Variants in RANBP2 observed in about 807,000 individuals in gnomAD.
RANBP2 encodes RAN binding protein 2.
In RANBP2, 57 loss-of-function variants were observed where a neutral mutation model predicts 303.6. The observed-to-expected ratio is 0.19, with a 90% CI of 0.15 to 0.23. The LOEUF is 0.23. Ranked by LOEUF, RANBP2 falls within the 10% of genes least tolerant of loss-of-function variation. RANBP2 has a pLI of 1.00. For synonymous variants in RANBP2, 1,167 were observed against 1,301.5 expected (o/e 0.90, Z 2.23); for missense variants, 3,138 against 3,780.8 (o/e 0.83, Z 4.46).
At chr2:109,129,675 C>T in the RANBP2 span, 4 of 1,522,784 alleles carry the variant, frequency 2.6e-6, no homozygotes, top group Non-Finnish European at 3.5e-6. Context: ...CGGGCGAGGA[C>T]ATGGACGAGT....
chr2:109,310,003 T>A, the RANBP2 span, among the ~76,000 whole-genome samples: 1 of 125,652 alleles, frequency 8.0e-6, no homozygotes, highest in East Asian at 2.1e-4. Context: ...AATAGACATC[T>A]ACAGAACTCT....
the RANBP2 span, among the ~76,000 whole-genome samples, chr2:109,254,270 T>C: frequency 3.9e-5 from 6 of 152,192 alleles, no homozygotes; most frequent in Non-Finnish European, 5.9e-5. Context: ...CTAGAGTTTT[T>C]AGCACGCAGC....
chr2:109,095,104 A>G, the RANBP2 span, among the ~76,000 whole-genome samples: 1 of 152,166 alleles, frequency 6.6e-6, no homozygotes, highest in Non-Finnish European at 1.5e-5. Context: ...AAATTGTTCA[A>G]TTTACCTACT....
At chr2:109,373,920 G>A in the RANBP2 span, among the ~76,000 whole-genome samples, 13 of 152,222 alleles carry the variant, frequency 8.5e-5, no homozygotes, top group East Asian at 1.9e-4. Context: ...CCGCAAGCAG[G>A]TGCAGGCCCG....
the RANBP2 span, among the ~76,000 whole-genome samples, chr2:109,507,913 G>A: frequency 6.6e-6 from 1 of 152,162 alleles, no homozygotes; most frequent in South Asian, 2.1e-4. Context: ...GTGTACAATC[G>A]TCCCACGTGG....
At chr2:109,614,419 C>G in the RANBP2 span, 31 of 1,110,496 alleles carry the variant, frequency 2.8e-5, no homozygotes, top group Non-Finnish European at 3.4e-5. Flanking sequence ...CGTCGGGAGC[C>G]GGCCGCTGGG....
At chr2:109,614,251 C>T in the RANBP2 span, 4 of 750,398 alleles carry the variant, frequency 5.3e-6, no homozygotes, top group South Asian at 6.8e-5. Flanking sequence ...GTGGCCGAGA[C>T]AGCGGGGAGC....
At chr2:109,308,805 C>A in the RANBP2 span, among the ~76,000 whole-genome samples, 1 of 43,032 alleles carries the variant, frequency 2.3e-5, no homozygotes, top group Non-Finnish European at 3.4e-5. Context: ...GTACCAGTAC[C>A]ATGCTGTTTT....
In RANBP2 at chr2:108,778,269, A is replaced by G. The variant is rs938576352; in HGVS notation, c.8599+1038A>G. ...AACCATGCCTAAATAAGCCTTATGC[A>G]TTAACATTCACTTCTCACTACCACT... is the stretch of plus-strand genomic sequence containing the variant. On this transcript the variant is annotated intron_variant, in intron 25 of 28. Coordinates refer to ENST00000283195, the MANE Select transcript of RANBP2 (RefSeq NM_006267.5). Among the ~76,000 whole-genome samples the G allele has an allele frequency of 3.3e-5, 5 of 152,344 alleles. No individual in the cohort carries two copies. In the Middle Eastern group the frequency reaches 0.01, roughly 311 times the overall value.
At chr2:109,613,755 C>G in the RANBP2 span, 4 of 1,187,100 alleles carry the variant, frequency 3.4e-6, no homozygotes, top group African/African-American at 6.3e-5. Flanking sequence ...CCCGCGGGGG[C>G]CGGGGAGCGC....
the RANBP2 span, among the ~76,000 whole-genome samples, chr2:109,218,435 C>T: frequency 6.6e-5 from 10 of 152,128 alleles, no homozygotes; most frequent in Non-Finnish European, 1.0e-4. Context: ...CTTAACAAAA[C>T]GAGCTTCAGT....
the RANBP2 span, among the ~76,000 whole-genome samples, chr2:108,944,785 A>C: frequency 6.6e-6 from 1 of 152,186 alleles, no homozygotes; most frequent in Non-Finnish European, 1.5e-5. Context: ...CTGAGGTCAC[A>C]GAGTCAAGGG....
the RANBP2 span, among the ~76,000 whole-genome samples, chr2:109,717,271 C>CAAAAAAAAAAAAAAAAA: frequency 1.2e-5 from 1 of 80,830 alleles, no homozygotes; most frequent in Non-Finnish European, 2.9e-5. Context: ...TAAAAACAAA[C>CAAAAAAAAAAAAAAAAA]CAAAAAAAAA....
chr2:108,888,260 G>A, the RANBP2 span, among the ~76,000 whole-genome samples: 67 of 152,186 alleles, frequency 4.4e-4, no homozygotes, highest in African/African-American at 1.3e-3. Context: ...GTTGGATTTG[G>A]TTTGCTTGTA....
chr2:109,732,148 A>G, the RANBP2 span, among the ~76,000 whole-genome samples: 56 of 152,176 alleles, frequency 3.7e-4, no homozygotes, highest in Non-Finnish European at 6.9e-4. Flanking sequence ...GTGAACTAGC[A>G]TGCCTGGCCA....
chr2:109,722,883 G>C, the RANBP2 span, among the ~76,000 whole-genome samples: 5 of 152,108 alleles, frequency 3.3e-5, no homozygotes, highest in African/African-American at 4.8e-5. Context: ...ATGGGTATTT[G>C]GGTTGATTCC....
the RANBP2 span, among the ~76,000 whole-genome samples, chr2:109,564,005 C>T: frequency 1.3e-5 from 2 of 152,088 alleles, no homozygotes; most frequent in African/African-American, 4.8e-5. Flanking sequence ...TTCCAACTTA[C>T]CTTTATGACA....
At chr2:109,034,416 C>T in the RANBP2 span, among the ~76,000 whole-genome samples, 3 of 151,918 alleles carry the variant, frequency 2.0e-5, no homozygotes, top group Admixed American at 6.6e-5. Flanking sequence ...GAGGAAGAGA[C>T]TGGCGTTTAG....
the RANBP2 span, among the ~76,000 whole-genome samples, chr2:108,824,441 A>G: frequency 6.6e-6 from 1 of 152,220 alleles, no homozygotes; most frequent in African/African-American, 2.4e-5. Context: ...ACACAGGGTC[A>G]GGATAATCAA....
Sources: gnomAD v4.1 joint callset for allele counts (sites outside exome capture counted in the v4.1 genomes callset) on GRCh38, gnomAD v4.1.1 for gene constraint, MANE v1.5 for transcripts, NCBI Gene and HGNC (gene_info 2026-07-23, HGNC 2026-07-21) for gene names.